FBXL2: variants seen among roughly 807,000 people sequenced by gnomAD.
The protein encoded by FBXL2 is F-box/LRR-repeat protein 2.
In FBXL2, 38 loss-of-function variants were observed where a neutral mutation model predicts 69.2. The ratio of observed to expected loss-of-function variants is 0.55; its 90% CI spans 0.42 to 0.72. The LOEUF is 0.72. FBXL2 is among the 30% of genes least tolerant of loss of function. The probability of loss-of-function intolerance (pLI) is 0.00; values close to 1 mark genes in which losing one functional copy is unlikely to be tolerated. For synonymous variants in FBXL2, 192 were observed against 201.3 expected, an observed-to-expected ratio of 0.95 and a Z score of 0.39; for missense variants, 354 against 520.3, an observed-to-expected ratio of 0.68 and a Z score of 3.11.
chr3:33,357,772 G>GC (rs2041314986), intron 2 of FBXL2, among the ~76,000 whole-genome samples: 1 of 151,914 alleles, frequency 6.6e-6, no homozygotes, highest in Admixed American at 6.6e-5. Flanking sequence ...CTCGTGATCC[G>GC]CCCACCTCGG....
chr3:33,339,500 G>C (rs1167495575), intron 2 of FBXL2, among the ~76,000 whole-genome samples: 3 of 152,268 alleles, frequency 2.0e-5, no homozygotes, highest in African/African-American at 7.2e-5. Flanking sequence ...ACTAAACATT[G>C]AGCATATGTG....
chr3:33,383,869 G>A lies in FBXL2; in HGVS notation c.952-120G>A, dbSNP rs2043222705. On this transcript the variant is annotated intron_variant, in intron 13 of 14. Transcript: ENST00000484457. ...GTCCAGGGGCTGGCATCTGCTGAGG[G>A]CATTCTTGCTGTGTCATCCCATTGC... The A allele has an allele frequency of 9.9e-6, 8 of 811,180 alleles. No individual in the cohort carries two copies. The South Asian group carries it at 1.1e-4, about 11-fold the overall frequency. 50.2% of individuals were successfully genotyped at this position (811,180 alleles called of 1,614,324 possible).
At chr3:33,345,899 T>C (rs1289898311) in intron 2 of FBXL2, among the ~76,000 whole-genome samples, 2 of 152,216 alleles carry the variant, frequency 1.3e-5, no homozygotes, top group South Asian at 2.1e-4. Flanking sequence ...ATTTACTGCA[T>C]TGAATGAATA....
chr3:33,287,683 G>A (rs1194749528), intron 1 of FBXL2, among the ~76,000 whole-genome samples: 2 of 152,132 alleles, frequency 1.3e-5, no homozygotes, highest in Non-Finnish European at 2.9e-5. Context: ...AAATTGAGTA[G>A]GCAGTTTGCC....
chr3:33,323,624 G>C (rs2038422704), intron 2 of FBXL2, among the ~76,000 whole-genome samples: 2 of 152,066 alleles, frequency 1.3e-5, no homozygotes, highest in African/African-American at 4.8e-5. Context: ...CCATGTCCCT[G>C]TAAAGGATAT....
At chr3:33,334,400 T>C (rs2039401109) in intron 2 of FBXL2, among the ~76,000 whole-genome samples, 1 of 152,190 alleles carries the variant, frequency 6.6e-6, no homozygotes, top group Non-Finnish European at 1.5e-5. Context: ...AAATCTCAAA[T>C]TTTAAAAATC....
chr3:33,320,720 C>G (rs1037383897), intron 2 of FBXL2, among the ~76,000 whole-genome samples: 8 of 151,956 alleles, frequency 5.3e-5, no homozygotes, highest in Non-Finnish European at 1.2e-4. Flanking sequence ...ACCTGGTGAT[C>G]CACCTTCCTC....
intron 1 of FBXL2, among the ~76,000 whole-genome samples, chr3:33,287,439 A>G (rs559335405): frequency 3.3e-5 from 5 of 152,218 alleles, no homozygotes; most frequent in East Asian, 3.9e-4. Flanking sequence ...CAATTCTTCA[A>G]TGTCCCTAAG....
downstream of FBXL2, among the ~76,000 whole-genome samples, chr3:33,404,681 T>C (rs1421115877): frequency 3.9e-5 from 6 of 152,092 alleles, no homozygotes; most frequent in Non-Finnish European, 7.4e-5. Flanking sequence ...ATAACTCTAA[T>C]GACTAAGTTT....
At chr3:33,367,545 A>G (rs1331321613) in intron 5 of FBXL2, among the ~76,000 whole-genome samples, 1 of 150,684 alleles carries the variant, frequency 6.6e-6, no homozygotes, top group African/African-American at 2.4e-5. Flanking sequence ...TAAAATCTGC[A>G]GTGATATCCC....
chr3:33,324,624 A>G (rs2038531611), intron 2 of FBXL2, among the ~76,000 whole-genome samples: 1 of 151,942 alleles, frequency 6.6e-6, no homozygotes, highest in African/African-American at 2.4e-5. Flanking sequence ...GATATGTGGC[A>G]TTATTTCTGA....
chr3:33,385,605 C>A lies in FBXL2; in HGVS notation c.1269C>A (p.Leu423=), dbSNP rs770448207. 6.2e-7 allele frequency: 1 copy of A among 1,613,370 alleles called. No homozygotes were observed. The highest frequency in any genetic ancestry group is 1.1e-5 in the South Asian group (1 of 91,054). The change falls in exon 15 of 15, where the codon CTC becomes CTA. Residue 423 remains leucine, a synonymous_variant. Coordinates refer to ENST00000484457, the MANE Select transcript of FBXL2 (RefSeq NM_012157.5). The stretch of plus-strand genomic sequence containing the variant: ...GACTGTGCAGGTGCTGTGTCATTCT[C>A]TGACAGCAGCTGCCTGGGCCCAAGG... ...GQRLCRCCVI[L] is the part of the protein sequence containing the mutation.
chr3:33,293,754 T>A (rs1423023949), intron 1 of FBXL2, among the ~76,000 whole-genome samples: 1 of 152,180 alleles, frequency 6.6e-6, no homozygotes, highest in Non-Finnish European at 1.5e-5. Flanking sequence ...GGTTTTCATG[T>A]CATTCACCAC....
At chr3:33,408,592 A>G, downstream of FBXL2, 1 of 939,650 alleles carries the variant, frequency 1.1e-6, no homozygotes, top group East Asian at 2.7e-5. Flanking sequence ...ATGGACATCA[A>G]AAACAATTTT....
At chr3:33,422,058 A>G in the FBXL2 span, among the ~76,000 whole-genome samples, 1 of 152,156 alleles carries the variant, frequency 6.6e-6, no homozygotes, top group Admixed American at 6.5e-5. Flanking sequence ...ATAAATAAAT[A>G]ATAAAATTAA....
chr3:33,409,332 G>A, the FBXL2 span: 1 of 1,613,924 alleles, frequency 6.2e-7, no homozygotes, highest in Non-Finnish European at 8.5e-7. Flanking sequence ...TTTGTTTCCT[G>A]TCTGCACCTT....
rs199530376 is a variant in FBXL2, at chr3:33,313,226, G to T, written c.65+15501G>T. Among the ~76,000 whole-genome samples, 7 of 149,846 alleles carry T rather than the reference G, an allele frequency of 4.7e-5. No homozygotes were observed. The East Asian group carries it at 5.9e-4, about 13-fold the overall frequency. On this transcript the variant is annotated intron_variant, in intron 2 of 14. Coordinates refer to ENST00000484457, the MANE Select transcript of FBXL2 (RefSeq NM_012157.5). ...TGAAAGTCACAACCTACCAAAACTC[G>T]CAAAGAAATAGATAATCTAAAGAAT...
intron 2 of FBXL2, among the ~76,000 whole-genome samples, chr3:33,303,445 G>T (rs2036458396): frequency 4.6e-5 from 7 of 152,062 alleles, no homozygotes; most frequent in Admixed American, 4.6e-4. Context: ...CTAGGTTGGG[G>T]TTATGCTTGT....
chr3:33,281,701 C>G (rs1351930481), intron 1 of FBXL2, among the ~76,000 whole-genome samples: 1 of 152,108 alleles, frequency 6.6e-6, no homozygotes, highest in Non-Finnish European at 1.5e-5. Flanking sequence ...TCCTCTCCAG[C>G]ACCTGTTGTT....
Sources: allele counts gnomAD v4.1 joint callset (sites outside exome capture counted in the v4.1 genomes callset), GRCh38; gene constraint gnomAD v4.1.1; transcripts MANE v1.5; gene names NCBI Gene and HGNC (gene_info 2026-07-23, HGNC 2026-07-21).